DCAF8L2: variants seen among roughly 807,000 people sequenced by gnomAD.
DCAF8L2 encodes the protein DDB1- and CUL4-associated factor 8-like protein 2.
For missense variants in DCAF8L2, 430 were observed against 490.7 expected, an observed-to-expected ratio of 0.88 and a Z score of 1.17; for synonymous variants, 200 against 190.9, an observed-to-expected ratio of 1.05 and a Z score of -0.39.
intron 2 of DCAF8L2, among the ~76,000 whole-genome samples, chrX:27,651,803 C>A (rs899712113): frequency 9.0e-6 from 1 of 110,801 alleles, no homozygotes; most frequent in Non-Finnish European, 1.9e-5. Flanking sequence ...AGCCACCACG[C>A]CTGGCAGATA....
At chrX:27,485,924 CTTTT>C in the DCAF8L2 span, among the ~76,000 whole-genome samples, 43 of 58,829 alleles carry the variant, frequency 7.3e-4, no homozygotes, top group Admixed American at 2.2e-3. Flanking sequence ...TTCTTTTTCT[CTTTT>C]TTTTTTTTTT....
intron 1 of DCAF8L2, among the ~76,000 whole-genome samples, chrX:27,610,965 A>G (rs1927132864): frequency 8.9e-6 from 1 of 112,579 alleles, no homozygotes; most frequent in African/African-American, 3.2e-5. Flanking sequence ...TTAATCGGAA[A>G]AAAAACATCA....
chrX:27,548,769 A>G, the DCAF8L2 span, among the ~76,000 whole-genome samples: 1 of 112,079 alleles, frequency 8.9e-6, no homozygotes, highest in African/African-American at 3.2e-5. Flanking sequence ...AATAATCTCT[A>G]TCTCCATGTC....
At chrX:27,700,249 C>T (rs768553273) in intron 3 of DCAF8L2, among the ~76,000 whole-genome samples, 31 of 110,449 alleles carry the variant, frequency 2.8e-4, no homozygotes, top group Non-Finnish European at 5.1e-4. Flanking sequence ...AGTTGGAGAA[C>T]GGACCAGTTC....
the DCAF8L2 span, among the ~76,000 whole-genome samples, chrX:27,557,425 A>C: frequency 8.9e-6 from 1 of 112,093 alleles, no homozygotes; most frequent in Non-Finnish European, 1.9e-5. Flanking sequence ...TATCTCACCA[A>C]ATGAAAGGAA....
In DCAF8L2 at chrX:27,675,778, C is replaced by G. The variant is rs188191212; in HGVS notation, c.-219-2058C>G. ...AAAGAGTGCTTTATTGGCTTTAGGC[C>G]AGGAATGCTGGTAGGATGAAATGCA... is the stretch of plus-strand genomic sequence containing the variant. On this transcript the variant is annotated intron_variant, in intron 2 of 4. Transcript: ENST00000451261. 2.4e-4 allele frequency among the ~76,000 whole-genome samples: 27 copies of G among 111,611 alleles called. No individual in the cohort carries two copies. The East Asian group carries it at 4.3e-3, about 18-fold the overall frequency.
the DCAF8L2 span, among the ~76,000 whole-genome samples, chrX:27,504,322 G>A: frequency 2.3e-4 from 26 of 111,412 alleles, no homozygotes; most frequent in Middle Eastern, 0.023. Flanking sequence ...TGTGATTTTA[G>A]GCATATCTCC....
chrX:27,714,698 G>A (rs1931637734), intron 3 of DCAF8L2, among the ~76,000 whole-genome samples: 1 of 111,416 alleles, frequency 9.0e-6, no homozygotes, highest in Admixed American at 9.6e-5. Flanking sequence ...AGATATTTGA[G>A]AAAATCATGT....
At chrX:27,513,781 T>C in the DCAF8L2 span, among the ~76,000 whole-genome samples, 2 of 110,136 alleles carry the variant, frequency 1.8e-5, no homozygotes, top group Non-Finnish European at 3.8e-5. Context: ...AACAGATGCA[T>C]GAAAAAATTT....
At chrX:27,696,161 T>C (rs1462644487) in intron 3 of DCAF8L2, among the ~76,000 whole-genome samples, 2 of 102,492 alleles carry the variant, frequency 2.0e-5, no homozygotes, top group African/African-American at 7.3e-5. Context: ...ATCATGCCAC[T>C]GCACTGCAGC....
At chrX:27,580,238 C>T in the DCAF8L2 span, among the ~76,000 whole-genome samples, 1 of 110,531 alleles carries the variant, frequency 9.0e-6, no homozygotes, top group Non-Finnish European at 1.9e-5. Flanking sequence ...AGGGCTAAGT[C>T]GTGTCAAGTG....
chrX:27,485,371 T>G, the DCAF8L2 span, among the ~76,000 whole-genome samples: 1 of 111,555 alleles, frequency 9.0e-6, no homozygotes. Flanking sequence ...GAAGAAAACA[T>G]AACCACTGAA....
chrX:27,708,840 C>A (rs1408270080), intron 3 of DCAF8L2, among the ~76,000 whole-genome samples: 1 of 112,815 alleles, frequency 8.9e-6, no homozygotes, highest in Non-Finnish European at 1.9e-5. Context: ...TCTTCCATTA[C>A]TGGAAAATGC....
chrX:27,558,085 C>A, the DCAF8L2 span, among the ~76,000 whole-genome samples: 1 of 111,552 alleles, frequency 9.0e-6, no homozygotes, highest in South Asian at 3.8e-4. Flanking sequence ...CGCAGATCCT[C>A]ACTCTGACAC....
the DCAF8L2 span, among the ~76,000 whole-genome samples, chrX:27,509,287 G>A: frequency 9.0e-6 from 1 of 111,189 alleles, no homozygotes; most frequent in Non-Finnish European, 1.9e-5. Context: ...GACTACCATG[G>A]ATTTCCCTCC....
chrX:27,623,322 A>G (rs955965517), intron 1 of DCAF8L2, among the ~76,000 whole-genome samples: 6 of 111,674 alleles, frequency 5.4e-5, no homozygotes, highest in Non-Finnish European at 7.5e-5. Context: ...AACATGATCC[A>G]TACTGGAGAG....
At chrX:27,635,305 C>A (rs1241067392) in intron 2 of DCAF8L2, among the ~76,000 whole-genome samples, 1 of 111,200 alleles carries the variant, frequency 9.0e-6, no homozygotes, top group Non-Finnish European at 1.9e-5. Context: ...GAGTGAGTGA[C>A]TAAGCTGAAA....
intron 1 of DCAF8L2, among the ~76,000 whole-genome samples, chrX:27,606,883 T>C (rs1422526243): frequency 9.0e-6 from 1 of 111,441 alleles, no homozygotes; most frequent in Non-Finnish European, 1.9e-5. Context: ...TAATGCACTT[T>C]AACTCTAGAA....
chrX:27,645,573 A>G (rs1483446305), intron 2 of DCAF8L2, among the ~76,000 whole-genome samples: 1 of 111,847 alleles, frequency 8.9e-6, no homozygotes. Flanking sequence ...CAAGGCAATC[A>G]CTCAAAAGAA....
Sources: gnomAD v4.1 joint callset for allele counts (sites outside exome capture counted in the v4.1 genomes callset) on GRCh38, gnomAD v4.1.1 for gene constraint, MANE v1.5 for transcripts, NCBI Gene and HGNC (gene_info 2026-07-23, HGNC 2026-07-21) for gene names.